PPP2R5C: variants seen among roughly 807,000 people sequenced by gnomAD.
The protein encoded by PPP2R5C is protein phosphatase 2 regulatory subunit B'gamma, also known as serine/threonine-protein phosphatase 2A 56 kDa regulatory subunit gamma isoform.
PPP2R5C carries 7 observed loss-of-function variants against 68.9 expected under a neutral mutation model. That is an observed-to-expected ratio of 0.10 (90% CI 0.06 to 0.19). The LOEUF (loss-of-function observed/expected upper bound fraction) is 0.19, where lower values mean the gene tolerates loss of function less well. Ranked by LOEUF, PPP2R5C falls within the 10% of genes least tolerant of loss-of-function variation. The probability of loss-of-function intolerance (pLI) is 1.00; values close to 1 mark genes in which losing one functional copy is unlikely to be tolerated. For synonymous variants in PPP2R5C, 210 were observed against 222.2 expected, an observed-to-expected ratio of 0.95 and a Z score of 0.49; for missense variants, 348 against 641.3, an observed-to-expected ratio of 0.54 and a Z score of 4.94.
At chr14:101,760,582 G>A (rs1276704932), upstream of PPP2R5C, 3 of 611,918 alleles carry the variant, frequency 4.9e-6, no homozygotes, top group Non-Finnish European at 6.1e-6. Context: ...CAAAAGCTGC[G>A]GAGGGCGGGA....
chr14:101,881,561 G>A (rs529972731), intron 2 of PPP2R5C, among the ~76,000 whole-genome samples: 8 of 152,312 alleles, frequency 5.3e-5, no homozygotes, highest in African/African-American at 1.2e-4. Flanking sequence ...ATGCCTGGGC[G>A]CACAGCCATG....
chr14:101,908,352 C>G (rs1382213580), intron 10 of PPP2R5C, among the ~76,000 whole-genome samples: 1 of 152,138 alleles, frequency 6.6e-6, no homozygotes, highest in South Asian at 2.1e-4. Context: ...ACAACCTGTT[C>G]TTTGTAGCAT....
At chr14:101,812,776 G>C (rs575606138) in intron 1 of PPP2R5C, among the ~76,000 whole-genome samples, 1 of 152,200 alleles carries the variant, frequency 6.6e-6, no homozygotes, top group African/African-American at 2.4e-5. Flanking sequence ...ATGAGCAGGG[G>C]CTATGGCCCA....
chr14:101,848,371 A>C (rs990239216), intron 1 of PPP2R5C, among the ~76,000 whole-genome samples: 2 of 151,980 alleles, frequency 1.3e-5, no homozygotes, highest in Admixed American at 1.3e-4. Context: ...TCTCTACTAA[A>C]AATACAAAAA....
intron 11 of PPP2R5C, among the ~76,000 whole-genome samples, chr14:101,911,230 C>T (rs1241049564): frequency 1.3e-5 from 2 of 152,090 alleles, no homozygotes; most frequent in Non-Finnish European, 2.9e-5. Flanking sequence ...GCCAAGATCA[C>T]GCCACTGCAC....
chr14:101,830,926 T>C (rs1484370059), intron 1 of PPP2R5C, among the ~76,000 whole-genome samples: 1 of 152,204 alleles, frequency 6.6e-6, no homozygotes, highest in Non-Finnish European at 1.5e-5. Flanking sequence ...ATAAGTAAGT[T>C]ACCGTCACGG....
upstream of PPP2R5C, among the ~76,000 whole-genome samples, chr14:101,808,405 G>T (rs61994038): frequency 6.6e-6 from 1 of 152,054 alleles, no homozygotes; most frequent in Non-Finnish European, 1.5e-5. Flanking sequence ...TCTCCTGGCC[G>T]GCCATGGAAT....
chr14:101,781,884 G>A lies in PPP2R5C; in HGVS notation c.94-4134G>A, dbSNP rs951119979. Reference sequence around the variant, plus strand: ...TGGCCGTGGCCAGGTGTACCGGAGCGGCACCCAGGAGCCCGCCCTAGCACC... The same window carrying A: ...TGGCCGTGGCCAGGTGTACCGGAGCAGCACCCAGGAGCCCGCCCTAGCACC... On this transcript the variant is annotated intron_variant, in intron 2 of 14. Coordinates refer to the PPP2R5C transcript ENST00000328724. The surrounding 1 kb of genome is among the most constrained non-coding windows in gnomAD (Gnocchi z 6.4). 1.3e-5 allele frequency among the ~76,000 whole-genome samples: 2 copies of A among 151,800 alleles called. No homozygotes were observed. Among genetic ancestry groups the A allele is most frequent in the Non-Finnish European group, 2.9e-5 (2 of 67,868 alleles).
chr14:101,797,116 T>C lies in PPP2R5C; in HGVS notation c.259+10933T>C, dbSNP rs2038647696. The C allele has an allele frequency of 2.2e-6, 1 of 455,264 alleles. No individual in the cohort carries two copies. Among genetic ancestry groups the C allele is most frequent in the East Asian group, 7.0e-5 (1 of 14,380 alleles). The allele number at this position is 455,264 out of a possible 1,614,324, so 28.2% of individuals were successfully genotyped here. ...CTCCCCATTCTGCTTTCTGTCTCTATGATTTTGCCCACAGTAGGAGCCTCT... is the reference window on the plus strand; with the variant it reads ...CTCCCCATTCTGCTTTCTGTCTCTACGATTTTGCCCACAGTAGGAGCCTCT... On this transcript the variant is annotated intron_variant, in intron 3 of 14. Transcript: ENST00000328724. The surrounding 1 kb of genome is among the most constrained non-coding windows in gnomAD (Gnocchi z 4.2).
chr14:101,877,534 T>G lies in PPP2R5C; in HGVS notation c.295-4627T>G, dbSNP rs1773068122. Among the ~76,000 whole-genome samples, 1 of 152,140 alleles carries G rather than the reference T, an allele frequency of 6.6e-6. No homozygotes were observed. Among genetic ancestry groups the G allele is most frequent in the African/African-American group, 2.4e-5 (1 of 41,428 alleles). Reference sequence around the variant, plus strand: ...TAACGTTGATGTCTTCTCTGTTTCCTCAGACCGGATCCATGCATCCAGGTA... The same window carrying G: ...TAACGTTGATGTCTTCTCTGTTTCCGCAGACCGGATCCATGCATCCAGGTA... On this transcript the variant is annotated intron_variant, in intron 2 of 13. Coordinates refer to ENST00000334743, the Ensembl canonical transcript of PPP2R5C. The surrounding 1 kb of genome is among the most constrained non-coding windows in gnomAD (Gnocchi z 4.2).
intron 1 of PPP2R5C, among the ~76,000 whole-genome samples, chr14:101,854,194 T>A (rs1302970161): frequency 6.6e-6 from 1 of 152,134 alleles, no homozygotes; most frequent in African/African-American, 2.4e-5. Context: ...TCTCATGGTG[T>A]TTTAGGATCC....
chr14:101,834,460 A>C (rs1393667289), intron 1 of PPP2R5C, among the ~76,000 whole-genome samples: 3 of 152,244 alleles, frequency 2.0e-5, no homozygotes, highest in Non-Finnish European at 4.4e-5. Context: ...TCACAAGGCC[A>C]CCAGCAAGTT....
Position 101,917,194 on chromosome 14 carries a change from C to A in PPP2R5C, c.1327-637C>A, listed in dbSNP as rs1211760739. 2.0e-5 allele frequency among the ~76,000 whole-genome samples: 3 copies of A among 152,108 alleles called. No homozygotes were observed. Among genetic ancestry groups the A allele is most frequent in the Admixed American group, 6.6e-5 (1 of 15,258 alleles). Reference sequence around the variant, plus strand: ...ACTGAGGGCTGAGCCATCTGTGTTTCAATCCAGAGCACAGGGAGAGTGGAG... The same window carrying A: ...ACTGAGGGCTGAGCCATCTGTGTTTAAATCCAGAGCACAGGGAGAGTGGAG... On this transcript the variant is annotated intron_variant, in intron 12 of 13. Transcript: ENST00000334743. The surrounding 1 kb of genome is among the most constrained non-coding windows in gnomAD (Gnocchi z 4.4).
intron 1 of PPP2R5C, among the ~76,000 whole-genome samples, chr14:101,855,760 T>C (rs2042386041): frequency 6.6e-6 from 1 of 152,218 alleles, no homozygotes; most frequent in Non-Finnish European, 1.5e-5. Context: ...GACAGAAGTT[T>C]TCCAGACTTC....
chr14:101,769,298 T>G (rs1426300650), intron 2 of PPP2R5C, among the ~76,000 whole-genome samples: 1 of 152,242 alleles, frequency 6.6e-6, no homozygotes, highest in Non-Finnish European at 1.5e-5. Flanking sequence ...TTAGATGACC[T>G]TCGTTCCCCT....
chr14:101,842,331 C>G (rs1396865292), intron 1 of PPP2R5C, among the ~76,000 whole-genome samples: 1 of 152,144 alleles, frequency 6.6e-6, no homozygotes, highest in African/African-American at 2.4e-5. Context: ...TGCAGCCTGC[C>G]CCCTCAAGTC....
In PPP2R5C at chr14:101,852,100, A is replaced by T. The variant is rs892155164; in HGVS notation, c.95-4586A>T. On this transcript the variant is annotated intron_variant, in intron 1 of 13. Transcript: ENST00000334743. ...CCTGGCAGCAAAAACAACCTCCAGC[A>T]CACACCTCCACTGCGTGTAAATTTG... Among the ~76,000 whole-genome samples, 8 of 152,226 alleles carry T rather than the reference A, an allele frequency of 5.3e-5. No homozygotes were observed. In the East Asian group the frequency reaches 1.5e-3, roughly 29 times the overall value.
At position 101,797,298 on chromosome 14, in the gene PPP2R5C, G is replaced by A. The variant is rs1201697272; in HGVS notation, c.259+11115G>A. On this transcript the variant is annotated intron_variant, in intron 3 of 14. Transcript: ENST00000328724. The surrounding 1 kb of genome is among the most constrained non-coding windows in gnomAD (Gnocchi z 4.2). ...AGTGATGTGTGGACGGACACATTCC[G>A]CGTATCCCCCAATCAGTGGATGGAC... The A allele has an allele frequency of 1.1e-5, 5 of 455,878 alleles. No individual in the cohort carries two copies. The highest frequency in any genetic ancestry group is 2.0e-5 in the African/African-American group (1 of 50,026). 28.2% of individuals were successfully genotyped at this position (455,878 alleles called of 1,614,324 possible). A position where few individuals can be genotyped will look rare whatever the true frequency, so the allele number is the denominator to read the frequency against.
At chr14:101,817,198 C>T (rs2039773837) in intron 1 of PPP2R5C, among the ~76,000 whole-genome samples, 2 of 151,894 alleles carry the variant, frequency 1.3e-5, no homozygotes, top group Admixed American at 1.3e-4. Context: ...CCTCGTGTTC[C>T]ACCCGCCTCG....
Sources: allele counts gnomAD v4.1 joint callset (sites outside exome capture counted in the v4.1 genomes callset), GRCh38; gene constraint gnomAD v4.1.1; non-coding constraint Gnocchi (gnomAD v3.1); transcripts MANE v1.5; gene names NCBI Gene and HGNC (gene_info 2026-07-23, HGNC 2026-07-21).